SLC2A11: variants seen among roughly 807,000 people sequenced by gnomAD.
The protein encoded by SLC2A11 is solute carrier family 2 member 11, also known as solute carrier family 2, facilitated glucose transporter member 11.
Under a neutral mutation model 52.1 loss-of-function variants are expected in SLC2A11, and 43 were observed. The ratio of observed to expected loss-of-function variants is 0.82; its 90% CI spans 0.65 to 1.06. The LOEUF (loss-of-function observed/expected upper bound fraction) is 1.06. Among genes scored for constraint, SLC2A11 ranks in the 50% least tolerant of loss-of-function variants. SLC2A11 has a pLI of 0.00. For synonymous variants in SLC2A11, 261 were observed against 277.6 expected (o/e 0.94, Z 0.59); for missense variants, 582 against 654.2 (o/e 0.89, Z 1.20).
chr22:23,857,045 G>C (rs2031852264), upstream of SLC2A11: 3 of 1,477,074 alleles, frequency 2.0e-6, no homozygotes, highest in African/African-American at 4.3e-5. Flanking sequence ...GGAAAGGTCG[G>C]GGATACCTGA....
At chr22:23,867,155 A>G (rs1040015685) in intron 2 of SLC2A11, 3 of 152,192 alleles carry the variant, frequency 2.0e-5, no homozygotes, top group Non-Finnish European at 4.4e-5. Context: ...AATATAATAG[A>G]TCTTTGTCCT....
upstream of SLC2A11, chr22:23,857,799 AC>A (rs2031903624): frequency 6.9e-7 from 1 of 1,458,000 alleles, no homozygotes; most frequent in African/African-American, 1.4e-5. Context: ...CGCTCTCAAT[AC>A]CCACTGCGCT....
intron 3 of SLC2A11, chr22:23,872,858 C>T (rs554105443): frequency 1.3e-5 from 2 of 152,282 alleles, no homozygotes; most frequent in South Asian, 4.1e-4. Flanking sequence ...ATCTTCTACT[C>T]TTTGTCACAC....
At chr22:23,882,379 G>A (rs2032842897) in intron 6 of SLC2A11, 80 bp from the exon 7 acceptor site, 1 of 1,259,892 alleles carries the variant, frequency 7.9e-7, no homozygotes, top group South Asian at 1.5e-5. Context: ...AGGAATGGTG[G>A]GATGGAGGGG....
chr22:23,865,871 A>T (rs2032243555), intron 2 of SLC2A11: 1 of 152,236 alleles, frequency 6.6e-6, no homozygotes, highest in African/African-American at 2.4e-5. Context: ...CCTAGTTGAA[A>T]AAGAGCTCAG....
intron 1 of SLC2A11, among the ~76,000 whole-genome samples, chr22:23,859,436 T>C (rs1243964190): frequency 3.3e-4 from 50 of 151,860 alleles, no homozygotes; most frequent in Admixed American, 3.3e-3. Flanking sequence ...CAGCTGTCTC[T>C]TTCCCAGCTG....
rs1344021889 is a variant in SLC2A11 at position 23,886,011 on chromosome 22, C to A, written c.*1162C>A. ...TTGCTATCAGTAACCCACCCCAGTC[C>A]CAGACCTGGGGAACCACTGACCTGC... On this transcript the variant is annotated 3_prime_UTR_variant, in exon 12 of 12. Transcript: ENST00000316185. The A allele has an allele frequency of 6.6e-6, 1 of 152,158 alleles. No individual in the cohort carries two copies. The highest frequency in any genetic ancestry group is 1.5e-5 in the Non-Finnish European group (1 of 68,046). The allele number at this position is 152,158 out of a possible 1,614,324, so 9.4% of individuals were successfully genotyped here.
intron 7 of SLC2A11, 54 bp from the exon 8 acceptor site, chr22:23,882,705 T>C (rs2032864491): frequency 1.2e-6 from 2 of 1,605,322 alleles, no homozygotes; most frequent in Non-Finnish European, 1.7e-6. Flanking sequence ...TGCAGGCCGC[T>C]GGGAGCCATG....
chr22:23,877,195 A>G (rs1568993395), intron 5 of SLC2A11, 24 bp downstream of exon 5: 1 of 1,597,792 alleles, frequency 6.3e-7, no homozygotes, highest in South Asian at 1.1e-5. Context: ...CCCCACATGC[A>G]TTGAGTATTT....
chr22:23,882,550 G>A lies in SLC2A11; in HGVS notation c.786G>A (p.Arg262=). The A allele has an allele frequency of 1.2e-6, 2 of 1,610,584 alleles. No individual in the cohort carries two copies. Among genetic ancestry groups the A allele is most frequent in the Non-Finnish European group, 1.7e-6 (2 of 1,178,802 alleles). ...CTGCCTGCCAGGGCTGCCGTGCCCG[G>A]CGCCCATGGGAGCTGTTCCAGCATC... is the stretch of plus-strand genomic sequence containing the variant. The part of the protein sequence containing the change: ...ERAACQGCRA[R]RPWELFQHRA... Residue 262 remains arginine, a synonymous_variant, in exon 7 of 12, where the codon CGG becomes CGA. Transcript: ENST00000316185.
chr22:23,868,344 G>A (rs1321602741), intron 2 of SLC2A11, 137 bp from the exon 3 acceptor site: 31 of 1,047,596 alleles, frequency 3.0e-5, no homozygotes, highest in Non-Finnish European at 4.3e-5. Flanking sequence ...CTGCTCCAGG[G>A]GGAGCTCAGA....
At chr22:23,858,130 C>G (rs1286513554) in intron 1 of SLC2A11, 101 bp downstream of exon 1, 2 of 1,462,232 alleles carry the variant, frequency 1.4e-6, no homozygotes, top group Non-Finnish European at 1.9e-6. Flanking sequence ...TTAACTAAGT[C>G]GTCAAATGTT....
intron 6 of SLC2A11, among the ~76,000 whole-genome samples, chr22:23,880,082 C>T (rs375311020): frequency 1.1e-4 from 16 of 151,626 alleles, no homozygotes; most frequent in African/African-American, 3.4e-4. Context: ...TATGGTGGCA[C>T]GTACCTGTAG....
At chr22:23,875,634 C>A (rs2032592374) in intron 4 of SLC2A11, among the ~76,000 whole-genome samples, 1 of 152,184 alleles carries the variant, frequency 6.6e-6, no homozygotes, top group South Asian at 2.1e-4. Flanking sequence ...ATTTCTGGGG[C>A]TTTTCATGTG....
chr22:23,883,230 C>T (rs554508633), intron 8 of SLC2A11: 9 of 378,716 alleles, frequency 2.4e-5, no homozygotes, highest in South Asian at 1.7e-4. Context: ...CCATTGCACT[C>T]CAGCCCAGGC....
chr22:23,883,998 T>G lies in SLC2A11; in HGVS notation c.1145T>G (p.Phe382Cys). The change falls in exon 10 of 12, where the codon TTC becomes TGC. Residue 382 changes from phenylalanine (F) to cysteine (C), a missense_variant. Physicochemically the swap from Phe to Cys is radical, Grantham distance 205. Coordinates refer to ENST00000316185, the MANE Select transcript of SLC2A11 (RefSeq NM_001024939.4). ...CTGGCCATGGCCTGCATCTTTGCCT[T>G]CATCCTCAGCTTTGGCATTGGCCCT... ...LYLAMACIFA[F>C]ILSFGIGPAG... is the part of the protein sequence containing the mutation. 1 of 1,613,406 alleles carries G rather than the reference T, an allele frequency of 6.2e-7. No individual in the cohort carries two copies. Among genetic ancestry groups the G allele is most frequent in the Non-Finnish European group, 8.5e-7 (1 of 1,179,806 alleles).
intron 1 of SLC2A11, among the ~76,000 whole-genome samples, chr22:23,861,889 G>A (rs1318067163): frequency 2.0e-5 from 3 of 152,214 alleles, no homozygotes; most frequent in African/African-American, 7.2e-5. Context: ...GGGTAAAGTG[G>A]GGTCCTGGAC....
At position 23,882,643 on chromosome 22, in the gene SLC2A11, C is replaced by T; in HGVS notation, c.879C>T (p.Asp293=). ...GTGCCATGGAGCTCTGCGGGAATGA[C>T]TCGGTGAGACCCCTGCCCCGCCGCA... is the stretch of plus-strand genomic sequence containing the variant. ...LGSAMELCGN[D]SVYAYASSVF... is the part of the protein sequence containing the mutation. Residue 293 remains aspartate (D), a synonymous_variant, in exon 7 of 12, where the codon GAC becomes GAT. Coordinates refer to ENST00000316185, the MANE Select transcript of SLC2A11 (RefSeq NM_001024939.4). 1 of 1,611,448 alleles carries T rather than the reference C, an allele frequency of 6.2e-7. No homozygotes were observed. The highest frequency in any genetic ancestry group is 1.1e-5 in the South Asian group (1 of 90,806).
intron 2 of SLC2A11, chr22:23,866,795 G>A (rs1284457465): frequency 3.9e-5 from 6 of 152,470 alleles, no homozygotes; most frequent in Non-Finnish European, 7.3e-5. Flanking sequence ...GTATGTGCCT[G>A]TTAGTTTCAG....
Sources: allele counts gnomAD v4.1 joint callset (sites outside exome capture counted in the v4.1 genomes callset), GRCh38; gene constraint gnomAD v4.1.1; transcripts MANE v1.5; gene names NCBI Gene and HGNC (gene_info 2026-07-23, HGNC 2026-07-21).